EYS: variants seen among roughly 807,000 people sequenced by gnomAD.
EYS encodes protein eyes shut homolog.
In EYS, 250 loss-of-function variants were observed where a neutral mutation model predicts 282.1. That is an observed-to-expected ratio of 0.89 (90% CI 0.80 to 0.98). The LOEUF is 0.98. Ranked by LOEUF, EYS falls within the 50% of genes least tolerant of loss-of-function variation. The probability of loss-of-function intolerance (pLI) is 0.00; values close to 1 mark genes in which losing one functional copy is unlikely to be tolerated. For synonymous variants in EYS, 1,355 were observed against 1,282.9 expected (o/e 1.06, Z -1.20); for missense variants, 4,016 against 3,709.0 (o/e 1.08, Z -2.15).
intron 29 of EYS, among the ~76,000 whole-genome samples, chr6:64,350,156 A>AT (rs1338567327): frequency 2.0e-5 from 3 of 151,462 alleles, no homozygotes; most frequent in South Asian, 2.1e-4. Context: ...TAATGATAAC[A>AT]TTTTTTGTCA....
At chr6:64,072,427 A>G (rs1771616681) in intron 32 of EYS, among the ~76,000 whole-genome samples, 1 of 150,098 alleles carries the variant, frequency 6.7e-6, no homozygotes, top group Admixed American at 6.7e-5. Flanking sequence ...TATTTTTCCC[A>G]TGGCTTCCTA....
chr6:64,024,544 C>T (rs919756294), intron 33 of EYS, among the ~76,000 whole-genome samples: 3 of 152,088 alleles, frequency 2.0e-5, no homozygotes, highest in Non-Finnish European at 4.4e-5. Flanking sequence ...CTGTTTGGGT[C>T]CCCTTCCACA....
intron 36 of EYS, among the ~76,000 whole-genome samples, chr6:63,831,855 CA>C (rs1225327915): frequency 6.6e-6 from 1 of 151,970 alleles, no homozygotes; most frequent in Non-Finnish European, 1.5e-5. Flanking sequence ...GCAGAAATTA[CA>C]AAAAACTGTC....
chr6:65,295,659 G>A (rs2150286008), intron 12 of EYS: 1 of 570,106 alleles, frequency 1.8e-6, no homozygotes, highest in East Asian at 3.0e-5. Flanking sequence ...GCATGAGCAA[G>A]GCTGTGTAGT....
chr6:64,770,892 A>G (rs150177366), intron 22 of EYS, among the ~76,000 whole-genome samples: 75 of 151,944 alleles, frequency 4.9e-4, no homozygotes, highest in African/African-American at 1.8e-3. Context: ...ACATTCTTAG[A>G]AACTCATAAT....
intron 1 of EYS, among the ~76,000 whole-genome samples, chr6:65,668,517 C>A (rs777036893): frequency 1.7e-4 from 26 of 151,808 alleles, no homozygotes; most frequent in Non-Finnish European, 3.5e-4. Context: ...AGGATCATTG[C>A]AACAGAGACT....
chr6:63,973,083 G>A (rs779148661), intron 35 of EYS, among the ~76,000 whole-genome samples: 4 of 152,050 alleles, frequency 2.6e-5, no homozygotes, highest in Non-Finnish European at 5.9e-5. Context: ...TAATAGGATT[G>A]CTGGGTCAAA....
chr6:65,414,822 G>A (rs1456973937), intron 5 of EYS, among the ~76,000 whole-genome samples: 2 of 152,046 alleles, frequency 1.3e-5, no homozygotes, highest in Non-Finnish European at 2.9e-5. Flanking sequence ...TTAAAGCCAA[G>A]AGAACAGGTA....
At chr6:63,952,142 C>A (rs1309307997) in intron 35 of EYS, among the ~76,000 whole-genome samples, 1 of 152,254 alleles carries the variant, frequency 6.6e-6, no homozygotes, top group Non-Finnish European at 1.5e-5. Context: ...AGCGGTTAAG[C>A]ATTCCTACAG....
At chr6:65,632,201 G>A (rs1766938116) in intron 2 of EYS, among the ~76,000 whole-genome samples, 1 of 152,116 alleles carries the variant, frequency 6.6e-6, no homozygotes, top group Non-Finnish European at 1.5e-5. Context: ...CTGTTACAAT[G>A]CTGAATGCAA....
chr6:65,165,514 C>A (rs190087836), intron 12 of EYS, among the ~76,000 whole-genome samples: 1 of 151,120 alleles, frequency 6.6e-6, no homozygotes. Context: ...CTTATGAATT[C>A]CATTTCTTCA....
In EYS at chr6:65,602,277, C is replaced by T. The variant is rs902186375; in HGVS notation, c.-333+37501G>A. 1.6e-4 allele frequency among the ~76,000 whole-genome samples: 24 copies of T among 151,774 alleles called. No individual in the cohort carries two copies. In the Admixed American group the frequency reaches 1.6e-3, roughly 10 times the overall value. On this transcript the variant is annotated intron_variant, in intron 2 of 42. Transcript: ENST00000503581. ...AAATGTGAAACTATAGTTTAGAACT[C>T]TCATCATTAAAGTTATTGGGTTATA...
At position 65,353,376 on chromosome 6, in the gene EYS, T is replaced by C. The variant is rs974316655; in HGVS notation, c.1459+82A>G. ...TTACGTTTTGAGATATAAAATACTTTGTGTGTTTAGAAAATGAATACGTGA... is the reference window on the plus strand; with the variant it reads ...TTACGTTTTGAGATATAAAATACTTCGTGTGTTTAGAAAATGAATACGTGA... On this transcript the variant is annotated intron_variant, in intron 9 of 42. Coordinates refer to ENST00000503581, the MANE Select transcript of EYS (RefSeq NM_001142800.2). The C allele has an allele frequency of 1.3e-5, 15 of 1,169,652 alleles. No individual in the cohort carries two copies. In the Admixed American group the frequency reaches 1.9e-4, roughly 15 times the overall value. The allele number at this position is 1,169,652 out of a possible 1,614,324, so 72.5% of individuals were successfully genotyped here. A position where few individuals can be genotyped will look rare whatever the true frequency, so the allele number is the denominator to read the frequency against.
intron 12 of EYS, among the ~76,000 whole-genome samples, chr6:65,290,697 C>T (rs181494422): frequency 0.01 from 1,556 of 151,406 alleles, 12 homozygotes; most frequent in Non-Finnish European, 0.014. Context: ...CTAATAAACG[C>T]ATCTAAAAGA....
At chr6:64,407,647 T>A (rs9342250) in intron 28 of EYS, among the ~76,000 whole-genome samples, 42,166 of 152,082 alleles carry the variant, frequency 0.28, 5,967 homozygotes, top group East Asian at 0.46. Context: ...TATGCTATTT[T>A]AAGAATTAGA....
chr6:64,821,655 A>T lies in EYS; in HGVS notation c.3233T>A (p.Ile1078Asn). ...AATTATAAGACTTACATTAATTTTG[A>T]TCTTACATTGTGTGCTAGTCCCATC... is the stretch of plus-strand genomic sequence containing the variant. The part of the protein sequence containing the change: ...DADGTSTQCK[I>N]KINDCTSIPC... The change falls in exon 21 of 43, where the codon ATC (isoleucine) becomes AAC (asparagine). Residue 1078 changes from isoleucine (I) to asparagine (N), a missense_variant. Coordinates refer to ENST00000503581, the MANE Select transcript of EYS (RefSeq NM_001142800.2). The T allele has an allele frequency of 9.5e-6, 14 of 1,479,394 alleles. No individual in the cohort carries two copies. Among genetic ancestry groups the T allele is most frequent in the Non-Finnish European group, 1.2e-5 (13 of 1,095,780 alleles). 91.6% of individuals were successfully genotyped at this position (1,479,394 alleles called of 1,614,324 possible).
At chr6:63,995,215 T>C (rs527574623) in intron 34 of EYS, among the ~76,000 whole-genome samples, 1 of 151,906 alleles carries the variant, frequency 6.6e-6, no homozygotes. Flanking sequence ...AAAACCCCAG[T>C]ATAACCTGAT....
chr6:64,391,267 AC>A (rs1308197839), intron 28 of EYS, among the ~76,000 whole-genome samples: 30 of 151,830 alleles, frequency 2.0e-4, no homozygotes, highest in Admixed American at 5.2e-4. Flanking sequence ...TTCAGGAAAT[AC>A]AGAGAACGCC....
At chr6:64,142,027 A>G (rs983775308) in intron 31 of EYS, among the ~76,000 whole-genome samples, 3 of 152,064 alleles carry the variant, frequency 2.0e-5, no homozygotes, top group African/African-American at 7.2e-5. Context: ...TAATGTTTTC[A>G]TCAGCTAATA....
Sources: allele counts gnomAD v4.1 joint callset (sites outside exome capture counted in the v4.1 genomes callset), GRCh38; gene constraint gnomAD v4.1.1; transcripts MANE v1.5; gene names NCBI Gene and HGNC (gene_info 2026-07-23, HGNC 2026-07-21).